Variants in KIAA1614 observed in about 807,000 individuals in gnomAD.
KIAA1614 encodes uncharacterized protein KIAA1614.
Under a neutral mutation model 88.7 loss-of-function variants are expected in KIAA1614, and 76 were observed. The ratio of observed to expected loss-of-function variants is 0.86; its 90% CI spans 0.71 to 1.04. The LOEUF is 1.04. KIAA1614 is among the 50% of genes least tolerant of loss of function. The pLI is 0.00. For synonymous variants in KIAA1614, 714 were observed against 675.5 expected (o/e 1.06, Z -0.88); for missense variants, 1,553 against 1,582.5 (o/e 0.98, Z 0.32).
chr1:180,928,639 A>G, intron 4 of KIAA1614, 66 bp downstream of exon 4: 2 of 1,537,736 alleles, frequency 1.3e-6, no homozygotes, highest in South Asian at 1.2e-5. Context: ...CAGTGGGAAG[A>G]AGTGGGATCT....
intron 2 of KIAA1614, 69 bp downstream of exon 2, chr1:180,917,169 C>A: frequency 1.6e-6 from 2 of 1,257,266 alleles, no homozygotes; most frequent in African/African-American, 1.5e-5. Context: ...GAAAAGGGGA[C>A]GAGGGGGTCC....
chr1:180,938,856 C>A, intron 6 of KIAA1614, 145 bp downstream of exon 6: 2 of 687,582 alleles, frequency 2.9e-6, no homozygotes, highest in South Asian at 2.0e-5. Context: ...ACAAGCCTGG[C>A]AGCCCTCCCA....
At chr1:180,943,079 T>C (rs1654507249) in intron 7 of KIAA1614, among the ~76,000 whole-genome samples, 1 of 148,304 alleles carries the variant, frequency 6.7e-6, no homozygotes, top group African/African-American at 2.5e-5. Context: ...CAGGCTGGAG[T>C]GCAGTGGCGC....
At chr1:180,927,509 C>G (rs1452407338) in intron 3 of KIAA1614, among the ~76,000 whole-genome samples, 1 of 152,240 alleles carries the variant, frequency 6.6e-6, no homozygotes, top group Non-Finnish European at 1.5e-5. Context: ...ACACCCTCAT[C>G]TGTCAAGTGG....
Position 180,916,487 on chromosome 1 carries a change from T to C in KIAA1614, c.384T>C (p.Thr128=). 6.2e-7 allele frequency: 1 copy of C among 1,614,082 alleles called. No homozygotes were observed. Among genetic ancestry groups the C allele is most frequent in the Non-Finnish European group, 8.5e-7 (1 of 1,180,022 alleles). Residue 128 remains threonine (T), a synonymous_variant, in exon 2 of 9, where the codon ACT becomes ACC. Coordinates refer to ENST00000367588, the MANE Select transcript of KIAA1614 (RefSeq NM_020950.2). ...GAGGCAAGGCAGGGAGAGCCGGGAC[T>C]CCATCAGAGGGGTCTTTCCTGCCAG... ...CRRGKAGRAG[T]PSEGSFLPGA...
chr1:180,931,834 A>G (rs140866867), intron 4 of KIAA1614, among the ~76,000 whole-genome samples: 294 of 152,294 alleles, frequency 1.9e-3, no homozygotes, highest in African/African-American at 6.5e-3. Context: ...TACAGCCCAC[A>G]TCCTGCCAGC....
chr1:180,925,422 C>A (rs1331011168), intron 3 of KIAA1614, among the ~76,000 whole-genome samples: 2 of 152,244 alleles, frequency 1.3e-5, no homozygotes, highest in African/African-American at 2.4e-5. Flanking sequence ...CTGGGTGCAT[C>A]CTGGAATCTG....
intron 6 of KIAA1614, 86 bp from the exon 7 acceptor site, chr1:180,940,958 CG>C: frequency 8.5e-7 from 1 of 1,176,430 alleles, no homozygotes; most frequent in Non-Finnish European, 1.2e-6. Flanking sequence ...GGCCCATCTG[CG>C]GCCCTTGAGA....
chr1:180,917,730 T>A, intron 2 of KIAA1614, 121 bp from the exon 3 acceptor site: 1 of 815,158 alleles, frequency 1.2e-6, no homozygotes, highest in South Asian at 1.5e-5. Context: ...GGCAAAGTGT[T>A]AGATTTATCT....
Position 180,916,514 on chromosome 1 carries a change from T to A in KIAA1614, c.411T>A (p.Gly137=), listed in dbSNP as rs889068474. 5.0e-6 allele frequency: 8 copies of A among 1,613,802 alleles called. No homozygotes were observed. In the Admixed American group the frequency reaches 6.7e-5, roughly 13 times the overall value. ...GTPSEGSFLP[G]AVVAPRTQNL... is the part of the protein sequence containing the mutation. ...CATCAGAGGGGTCTTTCCTGCCAGG[T>A]GCTGTGGTGGCTCCTCGTACCCAAA... Residue 137 remains glycine, a synonymous_variant, in exon 2 of 9, where the codon GGT becomes GGA. Coordinates refer to ENST00000367588, the MANE Select transcript of KIAA1614 (RefSeq NM_020950.2).
In KIAA1614 at chr1:180,918,592, C is replaced by T. The variant is rs190486883; in HGVS notation, c.1061+678C>T. Among the ~76,000 whole-genome samples, 246 of 152,294 alleles carry T rather than the reference C, an allele frequency of 1.6e-3. 1 individual carries two copies. Among genetic ancestry groups the T allele is most frequent in the African/African-American group, 5.4e-3 (223 of 41,566 alleles). On this transcript the variant is annotated intron_variant, in intron 3 of 8. Transcript: ENST00000367588. ...GCTGGCACCTGCACAGAGGTTGAACCCAGCCTCAGTCTTTGCGAGGCTCCT... is the reference window on the plus strand; with the variant it reads ...GCTGGCACCTGCACAGAGGTTGAACTCAGCCTCAGTCTTTGCGAGGCTCCT...
intron 2 of KIAA1614, among the ~76,000 whole-genome samples, 190 bp downstream of exon 2, chr1:180,917,290 G>A (rs941385062): frequency 1.3e-5 from 2 of 152,198 alleles, no homozygotes; most frequent in African/African-American, 4.8e-5. Context: ...CAGCCTCACA[G>A]GCAGCCTGTC....
intron 3 of KIAA1614, among the ~76,000 whole-genome samples, chr1:180,922,566 C>G (rs373374829): frequency 6.6e-6 from 1 of 152,332 alleles, no homozygotes; most frequent in East Asian, 1.9e-4. Flanking sequence ...GGGGCTTGGC[C>G]TGTGGTTCAA....
chr1:180,916,567 G>A lies in KIAA1614; in HGVS notation c.464G>A (p.Ser155Asn), dbSNP rs1214334803. The A allele has an allele frequency of 4.3e-6, 7 of 1,610,934 alleles. No individual in the cohort carries two copies. Among genetic ancestry groups the A allele is most frequent in the African/African-American group, 2.7e-5 (2 of 74,890 alleles). Residue 155 changes from serine to asparagine, a missense_variant, in exon 2 of 9, where the codon AGC (serine) becomes AAC (asparagine). Coordinates refer to ENST00000367588, the MANE Select transcript of KIAA1614 (RefSeq NM_020950.2). ...CTGCCTGATGGGCAGCTGGACGGCA[G>A]CATCAATGAGGAGCAACCCGCCAGG... is the stretch of plus-strand genomic sequence containing the variant. ...QNLPDGQLDGSINEEQPARDG... is the reference protein window; with the variant it reads ...QNLPDGQLDGNINEEQPARDG...
chr1:180,940,962 C>T (rs1429200350), intron 6 of KIAA1614, 83 bp from the exon 7 acceptor site: 2 of 1,243,254 alleles, frequency 1.6e-6, no homozygotes, highest in African/African-American at 1.5e-5. Context: ...CATCTGCGGC[C>T]CTTGAGATGG....
At chr1:180,942,815 GA>G (rs1326169578) in intron 7 of KIAA1614, among the ~76,000 whole-genome samples, 1 of 152,198 alleles carries the variant, frequency 6.6e-6, no homozygotes, top group Non-Finnish European at 1.5e-5. Context: ...ACAGAGATAG[GA>G]AGTCGACTGG....
At chr1:180,920,606 A>G (rs1261384949) in intron 3 of KIAA1614, among the ~76,000 whole-genome samples, 2 of 152,194 alleles carry the variant, frequency 1.3e-5, no homozygotes, top group East Asian at 3.9e-4. Context: ...TTAACCTAGC[A>G]TGCATCTGAT....
rs1654646129 is a variant in KIAA1614, at chr1:180,948,301, G to C, written c.*2713G>C. The stretch of plus-strand genomic sequence containing the variant: ...GCTTGCGCCCCGCACTGAACCGGCA[G>C]GATGCTGGTATTAACTTGCTGGCTT... On this transcript the variant is annotated 3_prime_UTR_variant, in exon 9 of 9. Coordinates refer to ENST00000367588, the MANE Select transcript of KIAA1614 (RefSeq NM_020950.2). 1 of 152,200 alleles carries C rather than the reference G, an allele frequency of 6.6e-6. No individual in the cohort carries two copies. The highest frequency in any genetic ancestry group is 1.9e-4 in the East Asian group (1 of 5,198). 9.4% of individuals were successfully genotyped at this position (152,200 alleles called of 1,614,324 possible).
At position 180,935,338 on chromosome 1, in the gene KIAA1614, A is replaced by G; in HGVS notation, c.1429A>G (p.Ser477Gly). Residue 477 changes from serine (S) to glycine (G), a missense_variant, in exon 5 of 9, where the codon AGC becomes GGC. By Grantham distance (56) the Ser-to-Gly change is moderately conservative. Transcript: ENST00000367588. The surrounding 1 kb of genome is among the most constrained non-coding windows in gnomAD (Gnocchi z 6.1). The stretch of plus-strand genomic sequence containing the variant: ...GCAGCAGCGCCAGCGCCAGGTGCTG[A>G]GCACCGTGTTGCAGGCCGCGGACCA... ...RLQQRQRQVL[S>G]TVLQAADQGP... is the part of the protein sequence containing the mutation. 1 of 1,478,418 alleles carries G rather than the reference A, an allele frequency of 6.8e-7. No homozygotes were observed. Among genetic ancestry groups the G allele is most frequent in the Non-Finnish European group, 8.9e-7 (1 of 1,118,206 alleles). 91.6% of individuals were successfully genotyped at this position (1,478,418 alleles called of 1,614,324 possible).
Sources: allele counts gnomAD v4.1 joint callset (sites outside exome capture counted in the v4.1 genomes callset), GRCh38; gene constraint gnomAD v4.1.1; non-coding constraint Gnocchi (gnomAD v3.1); transcripts MANE v1.5; gene names NCBI Gene and HGNC (gene_info 2026-07-23, HGNC 2026-07-21).